The following TMEM177 variants were observed in gnomAD, a reference collection of about 807,000 sequenced individuals.
The protein encoded by TMEM177 is transmembrane protein 177.
Under a neutral mutation model 14.2 loss-of-function variants are expected in TMEM177, and 4 were observed. That is an observed-to-expected ratio of 0.28 (90% CI 0.14 to 0.64). The LOEUF is 0.64. TMEM177 is among the 30% of genes least tolerant of loss of function. The pLI, the probability that TMEM177 is intolerant of heterozygous loss-of-function variation, is 0.82. For synonymous variants in TMEM177, 179 were observed against 174.5 expected, an observed-to-expected ratio of 1.03 and a Z score of -0.20; for missense variants, 344 against 405.2, an observed-to-expected ratio of 0.85 and a Z score of 1.30.
At chr2:119,705,298 A>G in the TMEM177 span, among the ~76,000 whole-genome samples, 3 of 152,120 alleles carry the variant, frequency 2.0e-5, no homozygotes, top group Non-Finnish European at 2.9e-5. Context: ...GGGACTCACA[A>G]GGCTGCAATC....
chr2:119,685,966 C>A, downstream of TMEM177: 1 of 492,050 alleles, frequency 2.0e-6, no homozygotes, highest in Admixed American at 3.6e-5. Flanking sequence ...GACAACCAGC[C>A]TACCATGTTT....
At chr2:119,683,035 A>G (rs1257802741), downstream of TMEM177, among the ~76,000 whole-genome samples, 4 of 152,238 alleles carry the variant, frequency 2.6e-5, no homozygotes, top group Non-Finnish European at 5.9e-5. Flanking sequence ...ATTTGGCTTC[A>G]TGACATCTTT....
chr2:119,680,768 G>C (rs1445482104), intron 1 of TMEM177, 64 bp from the exon 2 acceptor site: 1 of 1,338,240 alleles, frequency 7.5e-7, no homozygotes, highest in Non-Finnish European at 1.0e-6. Context: ...TGTGGACCCT[G>C]GAGGATGTTC....
the TMEM177 span, among the ~76,000 whole-genome samples, chr2:119,722,706 T>C: frequency 1.3e-5 from 2 of 152,262 alleles, no homozygotes; most frequent in Non-Finnish European, 2.9e-5. Flanking sequence ...TGACACATCA[T>C]AGGCACACAA....
chr2:119,708,266 A>G, the TMEM177 span, among the ~76,000 whole-genome samples: 1 of 152,314 alleles, frequency 6.6e-6, no homozygotes, highest in East Asian at 1.9e-4. Context: ...TAGCTTTAAC[A>G]ATGATTACCA....
At chr2:119,691,675 G>C in the TMEM177 span, among the ~76,000 whole-genome samples, 1 of 152,204 alleles carries the variant, frequency 6.6e-6, no homozygotes, top group Admixed American at 6.5e-5. Context: ...ACCTGTGTGA[G>C]AGAAGGGAAG....
downstream of TMEM177, among the ~76,000 whole-genome samples, chr2:119,690,272 A>G (rs529170992): frequency 2.6e-5 from 4 of 152,258 alleles, no homozygotes; most frequent in East Asian, 5.8e-4. Context: ...TTCCTGCTCC[A>G]GTCGTGTAGG....
chr2:119,714,083 G>A, the TMEM177 span, among the ~76,000 whole-genome samples: 1 of 152,218 alleles, frequency 6.6e-6, no homozygotes, highest in Non-Finnish European at 1.5e-5. Context: ...AGGGCCTTGT[G>A]TGCCATGTTG....
At chr2:119,691,466 G>A (rs1689093692), downstream of TMEM177, among the ~76,000 whole-genome samples, 1 of 152,144 alleles carries the variant, frequency 6.6e-6, no homozygotes, top group Admixed American at 6.5e-5. Context: ...TTTTGGAGAT[G>A]TCTCAGGTGG....
chr2:119,717,012 T>C, the TMEM177 span, among the ~76,000 whole-genome samples: 2 of 152,220 alleles, frequency 1.3e-5, no homozygotes, highest in South Asian at 4.1e-4. Context: ...CCCCCACCCC[T>C]TTTTCTCTTC....
At chr2:119,685,582 A>C, downstream of TMEM177, 3 of 709,504 alleles carry the variant, frequency 4.2e-6, no homozygotes, top group Non-Finnish European at 7.8e-6. Flanking sequence ...ACACTGTGCT[A>C]GGTTTTTAGA....
At chr2:119,706,900 ATTTAT>A in the TMEM177 span, among the ~76,000 whole-genome samples, 91 of 150,970 alleles carry the variant, frequency 6.0e-4, no homozygotes, top group Middle Eastern at 3.4e-3. Context: ...TATTTTATTT[ATTTAT>A]TTTATTTTAT....
downstream of TMEM177, among the ~76,000 whole-genome samples, chr2:119,682,860 G>T (rs759233643): frequency 2.0e-4 from 30 of 152,130 alleles, no homozygotes; most frequent in Admixed American, 3.9e-4. Context: ...GTGGGCAGTG[G>T]GTTAGGCCTG....
chr2:119,720,630 T>C, the TMEM177 span, among the ~76,000 whole-genome samples: 1 of 152,234 alleles, frequency 6.6e-6, no homozygotes, highest in Non-Finnish European at 1.5e-5. Flanking sequence ...AAATATTATT[T>C]ATCTTGCTGA....
chr2:119,681,808 A>T lies in TMEM177; in HGVS notation c.*19A>T. 1 of 1,598,680 alleles carries T rather than the reference A, an allele frequency of 6.3e-7. No homozygotes were observed. Among genetic ancestry groups the T allele is most frequent in the Non-Finnish European group, 8.5e-7 (1 of 1,169,878 alleles). ...CTCCTGATGGGCTCATCACAAGGAC[A>T]CTTCCAGCTTGTGCAGACACCACCC... On this transcript the variant is annotated 3_prime_UTR_variant, in exon 2 of 2. Coordinates refer to ENST00000272521, the MANE Select transcript of TMEM177 (RefSeq NM_030577.3).
In TMEM177 at chr2:119,681,716, A is replaced by C; in HGVS notation, c.863A>C (p.His288Pro). 1 of 1,613,986 alleles carries C rather than the reference A, an allele frequency of 6.2e-7. No homozygotes were observed. The highest frequency in any genetic ancestry group is 8.5e-7 in the Non-Finnish European group (1 of 1,180,010). The change falls in exon 2 of 2, where the codon CAT (histidine) becomes CCT (proline). Residue 288 changes from histidine (H) to proline (P), a missense_variant. His to Pro is a moderately conservative substitution (Grantham distance 77). Coordinates refer to ENST00000272521, the MANE Select transcript of TMEM177 (RefSeq NM_030577.3). ...CCCAGACACTTGTTCCGAATCAAAC[A>C]TTTACCCTACACCACCCGCCGGGAC... is the stretch of plus-strand genomic sequence containing the variant. Reference protein sequence around the residue: ...IVPRHLFRIKHLPYTTRRDSV... With the variant: ...IVPRHLFRIKPLPYTTRRDSV...
chr2:119,703,509 G>A, the TMEM177 span, among the ~76,000 whole-genome samples: 4 of 152,188 alleles, frequency 2.6e-5, no homozygotes, highest in South Asian at 2.1e-4. Flanking sequence ...TAGTCCCACC[G>A]TATGATGAAA....
At chr2:119,711,217 T>G in the TMEM177 span, among the ~76,000 whole-genome samples, 1 of 151,886 alleles carries the variant, frequency 6.6e-6, no homozygotes, top group African/African-American at 2.4e-5. Flanking sequence ...ACCATAGGGG[T>G]TTTTTAATAC....
At chr2:119,715,469 C>T in the TMEM177 span, among the ~76,000 whole-genome samples, 21 of 152,270 alleles carry the variant, frequency 1.4e-4, no homozygotes, top group South Asian at 1.2e-3. Flanking sequence ...GCAGCAGTAA[C>T]GGGATTTGCA....
Sources: gnomAD v4.1 joint callset for allele counts (sites outside exome capture counted in the v4.1 genomes callset) on GRCh38, gnomAD v4.1.1 for gene constraint, MANE v1.5 for transcripts, NCBI Gene and HGNC (gene_info 2026-07-23, HGNC 2026-07-21) for gene names.